Variants in C12orf42 observed in about 807,000 individuals in gnomAD.
The protein encoded by C12orf42 is chromosome 12 open reading frame 42, also known as uncharacterized protein C12orf42.
C12orf42 carries 25 observed loss-of-function variants against 21.6 expected under a neutral mutation model. That is an observed-to-expected ratio of 1.16 (90% CI 0.84 to 1.62). The LOEUF (loss-of-function observed/expected upper bound fraction) is 1.62. C12orf42 is among the 40% of genes most tolerant of loss of function. The pLI is 0.00. For missense variants in C12orf42, 483 were observed against 459.3 expected (o/e 1.05, Z -0.47); for synonymous variants, 174 against 175.0 (o/e 0.99, Z 0.05).
At chr12:103,094,282 G>A in the C12orf42 span, among the ~76,000 whole-genome samples, 1 of 152,154 alleles carries the variant, frequency 6.6e-6, no homozygotes, top group Non-Finnish European at 1.5e-5. Flanking sequence ...AACACTTTGA[G>A]TGGTCTTCCC....
At chr12:103,437,508 C>G (rs1950828109) in intron 2 of C12orf42, among the ~76,000 whole-genome samples, 2 of 151,846 alleles carry the variant, frequency 1.3e-5, no homozygotes, top group South Asian at 4.2e-4. Flanking sequence ...AGACCGCTAG[C>G]AAGGCTAATA....
intron 2 of C12orf42, among the ~76,000 whole-genome samples, chr12:103,449,837 A>G (rs1378043624): frequency 1.3e-5 from 2 of 151,732 alleles, no homozygotes; most frequent in African/African-American, 2.4e-5. Flanking sequence ...CTCAAGTGAA[A>G]ATGCACGAAC....
At chr12:103,531,252 G>T in the C12orf42 span, among the ~76,000 whole-genome samples, 2 of 152,144 alleles carry the variant, frequency 1.3e-5, no homozygotes, top group Non-Finnish European at 2.9e-5. Flanking sequence ...CTTTTAGGCT[G>T]GGCAGTGGTG....
At chr12:103,276,246 AC>A (rs2035765693) in intron 5 of C12orf42, among the ~76,000 whole-genome samples, 1 of 152,226 alleles carries the variant, frequency 6.6e-6, no homozygotes, top group African/African-American at 2.4e-5. Flanking sequence ...TAAGCTATCT[AC>A]CAAAAACCTA....
intron 4 of C12orf42, among the ~76,000 whole-genome samples, chr12:103,291,684 C>A (rs2036836812): frequency 6.6e-6 from 1 of 152,124 alleles, no homozygotes; most frequent in African/African-American, 2.4e-5. Context: ...AACTTCTGGG[C>A]ATCTCCATGA....
the C12orf42 span, among the ~76,000 whole-genome samples, chr12:103,514,188 A>T: frequency 6.6e-6 from 1 of 152,190 alleles, no homozygotes; most frequent in East Asian, 1.9e-4. Flanking sequence ...CTCACTCACT[A>T]TCACAAGAAC....
At chr12:103,293,632 G>A (rs2036963036) in intron 4 of C12orf42, among the ~76,000 whole-genome samples, 1 of 152,054 alleles carries the variant, frequency 6.6e-6, no homozygotes, top group South Asian at 2.1e-4. Context: ...CTCCAGGCTG[G>A]TTGAGTTCAG....
At chr12:103,124,573 T>C in the C12orf42 span, among the ~76,000 whole-genome samples, 1 of 152,130 alleles carries the variant, frequency 6.6e-6, no homozygotes, top group Non-Finnish European at 1.5e-5. Context: ...TGAATTCCTA[T>C]GCTGGGATAA....
At chr12:103,418,475 A>C (rs1334231430) in intron 2 of C12orf42, among the ~76,000 whole-genome samples, 1 of 152,196 alleles carries the variant, frequency 6.6e-6, no homozygotes, top group Non-Finnish European at 1.5e-5. Context: ...AAAAATATCT[A>C]TCTTTGTATT....
At chr12:103,274,332 G>A (rs77950758) in intron 5 of C12orf42, among the ~76,000 whole-genome samples, 3,358 of 152,244 alleles carry the variant, frequency 0.022, 108 homozygotes, top group African/African-American at 0.074. Flanking sequence ...TCCCAGATGA[G>A]ATGGTTAACT....
intron 4 of C12orf42, among the ~76,000 whole-genome samples, chr12:103,348,899 A>G (rs2042861471): frequency 6.6e-6 from 1 of 152,178 alleles, no homozygotes; most frequent in African/African-American, 2.4e-5. Context: ...TGAATAATCA[A>G]CACAGTGACA....
the C12orf42 span, among the ~76,000 whole-genome samples, chr12:103,219,282 C>T: frequency 6.6e-6 from 1 of 152,150 alleles, no homozygotes; most frequent in Admixed American, 6.5e-5. Flanking sequence ...AAGACTTAAA[C>T]ATAAGAACTA....
chr12:103,104,183 T>C, the C12orf42 span, among the ~76,000 whole-genome samples: 1 of 152,232 alleles, frequency 6.6e-6, no homozygotes, highest in Non-Finnish European at 1.5e-5. Context: ...CTGTGAGCAC[T>C]TGCAGTCTGG....
the C12orf42 span, among the ~76,000 whole-genome samples, chr12:103,527,796 GT>G: frequency 6.6e-6 from 1 of 152,186 alleles, no homozygotes; most frequent in African/African-American, 2.4e-5. Flanking sequence ...GTTAGAATTT[GT>G]TTATGCTGAT....
At chr12:103,236,773 C>T (rs912437126), downstream of C12orf42, among the ~76,000 whole-genome samples, 1 of 151,998 alleles carries the variant, frequency 6.6e-6, no homozygotes, top group African/African-American at 2.4e-5. Context: ...TGTGTGAGGA[C>T]TTCTTTTAAT....
intron 2 of C12orf42, among the ~76,000 whole-genome samples, chr12:103,411,949 C>G (rs1280062733): frequency 6.6e-6 from 1 of 152,146 alleles, no homozygotes; most frequent in Non-Finnish European, 1.5e-5. Context: ...CATACTTCTA[C>G]TCTAAATATG....
the C12orf42 span, among the ~76,000 whole-genome samples, chr12:103,187,456 G>A: frequency 6.6e-6 from 1 of 152,250 alleles, no homozygotes; most frequent in East Asian, 1.9e-4. Flanking sequence ...TCTCAGAAAG[G>A]GCAGATGGGA....
the C12orf42 span, among the ~76,000 whole-genome samples, chr12:103,527,901 G>T: frequency 6.6e-6 from 1 of 152,176 alleles, no homozygotes; most frequent in Non-Finnish European, 1.5e-5. Flanking sequence ...TACAATGAAG[G>T]CATGTCTGGA....
chr12:103,257,180 AAC>A (rs2034655944), intron 10 of C12orf42, among the ~76,000 whole-genome samples: 1 of 152,202 alleles, frequency 6.6e-6, no homozygotes, highest in Non-Finnish European at 1.5e-5. Context: ...AGAGGGAAAC[AAC>A]ACACACTGGA....
Sources: allele counts gnomAD v4.1 joint callset (sites outside exome capture counted in the v4.1 genomes callset), GRCh38; gene constraint gnomAD v4.1.1; transcripts MANE v1.5; gene names NCBI Gene and HGNC (gene_info 2026-07-23, HGNC 2026-07-21).